AREL1: variants seen among roughly 807,000 people sequenced by gnomAD.
AREL1 encodes apoptosis resistant E3 ubiquitin protein ligase 1, also known as apoptosis-resistant E3 ubiquitin protein ligase 1.
AREL1 carries 62 observed loss-of-function variants against 99.0 expected under a neutral mutation model. The observed-to-expected ratio is 0.63, with a 90% CI of 0.51 to 0.77. The LOEUF (loss-of-function observed/expected upper bound fraction) is 0.77, where lower values mean the gene tolerates loss of function less well. Among genes scored for constraint, AREL1 ranks in the 30% least tolerant of loss-of-function variants. AREL1 has a pLI of 0.00. For missense variants in AREL1, 879 were observed against 1,027.6 expected, an observed-to-expected ratio of 0.86 and a Z score of 1.98; for synonymous variants, 380 against 376.5, an observed-to-expected ratio of 1.01 and a Z score of -0.11.
At chr14:74,674,926 G>T (rs1466922512) in intron 8 of AREL1, among the ~76,000 whole-genome samples, 2 of 152,008 alleles carry the variant, frequency 1.3e-5, no homozygotes, top group Non-Finnish European at 2.9e-5. Flanking sequence ...TATAGGGGAA[G>T]GTCCTCACAC....
chr14:74,671,321 CT>C (rs34340758), intron 12 of AREL1, 86 bp downstream of exon 12: 1,377 of 125,942 alleles, frequency 0.011, 9 homozygotes, highest in African/African-American at 0.044. Flanking sequence ...GTAAGAGTTG[CT>C]TTTTTTTTTT....
At chr14:74,704,198 A>G (rs1448982904) in intron 1 of AREL1, among the ~76,000 whole-genome samples, 1 of 152,106 alleles carries the variant, frequency 6.6e-6, no homozygotes, top group Non-Finnish European at 1.5e-5. Flanking sequence ...ATTGAGTTGT[A>G]AGAGTTCTTT....
At chr14:74,665,014 T>C (rs768813013) in intron 17 of AREL1, 89 bp from the exon 18 acceptor site, 92 of 1,019,664 alleles carry the variant, frequency 9.0e-5, no homozygotes, top group Non-Finnish European at 1.3e-4. Flanking sequence ...ACAGGCAAAA[T>C]GTAGAAGAAA....
chr14:74,689,716 C>T (rs1423950622), intron 2 of AREL1, among the ~76,000 whole-genome samples: 2 of 150,970 alleles, frequency 1.3e-5, no homozygotes, highest in African/African-American at 4.9e-5. Context: ...CCTGCCTCAG[C>T]CTCCCGAGTA....
At chr14:74,709,736 T>C (rs1460952195) in intron 1 of AREL1, among the ~76,000 whole-genome samples, 2 of 152,342 alleles carry the variant, frequency 1.3e-5, no homozygotes, top group South Asian at 4.1e-4. Flanking sequence ...AGTCCTATCA[T>C]GTAAGTCAGA....
At chr14:74,688,144 G>C (rs1178190140) in intron 2 of AREL1, among the ~76,000 whole-genome samples, 1 of 148,884 alleles carries the variant, frequency 6.7e-6, no homozygotes, top group Non-Finnish European at 1.5e-5. Flanking sequence ...TCCTGCCTCA[G>C]CCTCCCGAGT....
chr14:74,706,146 C>T (rs1274643893), intron 1 of AREL1, among the ~76,000 whole-genome samples: 2 of 152,158 alleles, frequency 1.3e-5, no homozygotes, highest in Non-Finnish European at 2.9e-5. Context: ...AGGACAGGCC[C>T]CCATGTTCCC....
chr14:74,690,701 TTA>T (rs747037785), intron 2 of AREL1, among the ~76,000 whole-genome samples: 2 of 152,236 alleles, frequency 1.3e-5, no homozygotes, highest in Non-Finnish European at 2.9e-5. Context: ...CATCAAATTG[TTA>T]TGAGTACTTT....
At position 74,662,892 on chromosome 14, in the gene AREL1, A is replaced by C. The variant is rs564258359; in HGVS notation, c.*828T>G. 3 of 324,142 alleles carry C rather than the reference A, an allele frequency of 9.3e-6. No individual in the cohort carries two copies. Among genetic ancestry groups the C allele is most frequent in the African/African-American group, 6.3e-5 (3 of 47,272 alleles). The allele number at this position is 324,142 out of a possible 1,614,324, so 20.1% of individuals were successfully genotyped here. ...CAGTGGCCCAAGCCGGCCATACTTC[A>C]GTGCCAATAACAAACTCAGGGAAAA... On this transcript the variant is annotated 3_prime_UTR_variant, in exon 20 of 20. Transcript: ENST00000356357.
At chr14:74,671,283 G>GTTT in intron 12 of AREL1, 125 bp downstream of exon 12, 15 of 298,356 alleles carry the variant, frequency 5.0e-5, no homozygotes, top group South Asian at 1.4e-4. Flanking sequence ...AAAAACCTAG[G>GTTT]TTTTTTTTTT....
chr14:74,662,232 T>C lies in AREL1; in HGVS notation c.*1488A>G, dbSNP rs192650656. 4.1e-4 allele frequency: 87 copies of C among 214,412 alleles called. No individual in the cohort carries two copies. The East Asian group carries it at 6.3e-3, about 15-fold the overall frequency. The allele number at this position is 214,412 out of a possible 1,614,324, so 13.3% of individuals were successfully genotyped here. On this transcript the variant is annotated 3_prime_UTR_variant, in exon 20 of 20. Coordinates refer to ENST00000356357, the MANE Select transcript of AREL1 (RefSeq NM_001039479.2). ...AACTGTAGCAGCTCAGGAGGGCTTG[T>C]TCCTCATGATCCCTGCGAACAGGAG... is the stretch of plus-strand genomic sequence containing the variant.
intron 5 of AREL1, among the ~76,000 whole-genome samples, chr14:74,677,558 A>G (rs1210477276): frequency 3.2e-5 from 4 of 126,466 alleles, no homozygotes; most frequent in African/African-American, 6.2e-5. Context: ...CCAAGCTGGA[A>G]TGCAGTGGCA....
intron 1 of AREL1, among the ~76,000 whole-genome samples, chr14:74,709,838 G>A (rs1190309637): frequency 1.3e-5 from 2 of 152,110 alleles, no homozygotes; most frequent in Non-Finnish European, 2.9e-5. Context: ...GTTCTTTAAG[G>A]AGTCTTTCAT....
At chr14:74,664,780 A>G in intron 18 of AREL1, 56 bp downstream of exon 18, 1 of 1,543,960 alleles carries the variant, frequency 6.5e-7, no homozygotes, top group Non-Finnish European at 8.9e-7. Flanking sequence ...TTTCTTCTGA[A>G]ACTTTTTCCT....
intron 12 of AREL1, 77 bp downstream of exon 12, chr14:74,671,321 CTTTTTTTTTT>C (rs34340758): frequency 7.9e-5 from 10 of 125,858 alleles, no homozygotes; most frequent in African/African-American, 5.2e-4. Context: ...GTAAGAGTTG[CTTTTTTTTTT>C]TTTTTTTTTT....
chr14:74,690,017 G>A (rs374541572), intron 2 of AREL1, among the ~76,000 whole-genome samples: 43 of 152,036 alleles, frequency 2.8e-4, no homozygotes, highest in African/African-American at 9.2e-4. Flanking sequence ...GGAGGCTGAG[G>A]TGGGAAGATC....
intron 2 of AREL1, among the ~76,000 whole-genome samples, chr14:74,688,019 C>CTTT (rs764034669): frequency 6.4e-5 from 7 of 108,702 alleles, no homozygotes; most frequent in Non-Finnish European, 7.5e-5. Flanking sequence ...TGAGTACTTA[C>CTTT]TTTTTTTTTT....
chr14:74,680,600 T>C (rs1165648166), intron 5 of AREL1, among the ~76,000 whole-genome samples: 2 of 152,236 alleles, frequency 1.3e-5, no homozygotes, highest in African/African-American at 4.8e-5. Flanking sequence ...TGAATATTTA[T>C]AGCAGCTTTA....
intron 12 of AREL1, among the ~76,000 whole-genome samples, 161 bp from the exon 13 acceptor site, chr14:74,671,032 C>T (rs1331060695): frequency 2.0e-5 from 3 of 152,146 alleles, no homozygotes; most frequent in East Asian, 3.8e-4. Flanking sequence ...AGAAATCCCA[C>T]CCCTTTTTGT....
Sources: allele counts gnomAD v4.1 joint callset (sites outside exome capture counted in the v4.1 genomes callset), GRCh38; gene constraint gnomAD v4.1.1; transcripts MANE v1.5; gene names NCBI Gene and HGNC (gene_info 2026-07-23, HGNC 2026-07-21).